The following ERP44 variants were observed in gnomAD, a reference collection of about 807,000 sequenced individuals.
ERP44 encodes endoplasmic reticulum resident protein 44.
ERP44 carries 25 observed loss-of-function variants against 53.4 expected under a neutral mutation model. The ratio of observed to expected loss-of-function variants is 0.47; its 90% confidence interval spans 0.34 to 0.65. The LOEUF is 0.65. Among genes scored for constraint, ERP44 ranks in the 30% least tolerant of loss-of-function variants. The probability of loss-of-function intolerance (pLI) is 0.01; values close to 1 mark genes in which losing one functional copy is unlikely to be tolerated. For missense variants in ERP44, 338 were observed against 493.2 expected, an observed-to-expected ratio of 0.69 and a Z score of 2.98; for synonymous variants, 145 against 161.2, an observed-to-expected ratio of 0.90 and a Z score of 0.76.
rs1043129866 is a variant in ERP44 at position 99,983,588 on chromosome 9, C to A, written c.1120-875G>T. On this transcript the variant is annotated intron_variant, in intron 11 of 11. Transcript: ENST00000262455. ...AAAAAAAAAAAAAGAAAAGGCAGTG[C>A]AGTCTATCCTCTATTTCCAAATTGT... 1.5e-4 allele frequency among the ~76,000 whole-genome samples: 22 copies of A among 150,110 alleles called. No homozygotes were observed. The Middle Eastern group carries it at 0.01, about 72-fold the overall frequency.
At chr9:100,091,972 T>C (rs1826562751) in intron 1 of ERP44, among the ~76,000 whole-genome samples, 1 of 152,186 alleles carries the variant, frequency 6.6e-6, no homozygotes. Context: ...TATTTATATA[T>C]ATATCTTCTC....
At chr9:100,009,546 T>C (rs1587961188) in intron 8 of ERP44, among the ~76,000 whole-genome samples, 1 of 152,286 alleles carries the variant, frequency 6.6e-6, no homozygotes, top group East Asian at 1.9e-4. Flanking sequence ...CTTTTATCTC[T>C]TGGACTCACA....
chr9:100,017,676 G>T (rs10819719), intron 7 of ERP44, among the ~76,000 whole-genome samples: 102,661 of 151,936 alleles, frequency 0.68, 35,834 homozygotes, highest in East Asian at 0.91. Context: ...AATTTTTTTT[G>T]GTATGTAAAA....
chr9:100,098,909 G>C lies in ERP44; in HGVS notation c.-69C>G. The C allele has an allele frequency of 1.1e-5, 15 of 1,335,626 alleles. No individual in the cohort carries two copies. Among genetic ancestry groups the C allele is most frequent in the East Asian group, 2.4e-5 (1 of 42,546 alleles). 82.7% of individuals were successfully genotyped at this position (1,335,626 alleles called of 1,614,324 possible). ...GACTGGGCTAGGTTGGGTTGGGTTA[G>C]GAAAGGGCTGGGCTCCGGGAGCCGA... On this transcript the variant is annotated 5_prime_UTR_variant, in exon 1 of 12. Coordinates refer to ENST00000262455, the MANE Select transcript of ERP44 (RefSeq NM_015051.3).
chr9:100,020,737 A>C lies in ERP44; in HGVS notation c.472-6T>G. The C allele has an allele frequency of 6.9e-7, 1 of 1,443,356 alleles. No homozygotes were observed. The highest frequency in any genetic ancestry group is 9.7e-7 in the Non-Finnish European group (1 of 1,027,990). 89.4% of individuals were successfully genotyped at this position (1,443,356 alleles called of 1,614,324 possible). On this transcript the variant is annotated splice_region_variant and splice_polypyrimidine_tract_variant and intron_variant, in intron 5 of 11. Coordinates refer to ENST00000262455, the MANE Select transcript of ERP44 (RefSeq NM_015051.3). Reference sequence around the variant, plus strand: ...ATGATATTTCTTTTGCTGCGCTGTAAAATAAAGTATGCAATTATTTTGCAA... The same window carrying C: ...ATGATATTTCTTTTGCTGCGCTGTACAATAAAGTATGCAATTATTTTGCAA...
At chr9:100,065,802 G>A (rs999022106) in intron 1 of ERP44, among the ~76,000 whole-genome samples, 1 of 152,082 alleles carries the variant, frequency 6.6e-6, no homozygotes, top group Non-Finnish European at 1.5e-5. Context: ...TAAAACATCA[G>A]GTAAAAGAGG....
chr9:100,035,350 T>A (rs1825839401), intron 4 of ERP44, among the ~76,000 whole-genome samples: 1 of 152,146 alleles, frequency 6.6e-6, no homozygotes, highest in Admixed American at 6.6e-5. Context: ...ATATCTAGAA[T>A]CTATAAGGAA....
In ERP44 at chr9:100,098,778, A is replaced by G; in HGVS notation, c.57+6T>C. 1 of 1,612,940 alleles carries G rather than the reference A, an allele frequency of 6.2e-7. No individual in the cohort carries two copies. Among genetic ancestry groups the G allele is most frequent in the South Asian group, 1.1e-5 (1 of 91,020 alleles). ...TTGTCGATGGGTCTGTCATTCCCTC[A>G]CTCACCAGGAGCAGAAGGGAGCATC... On this transcript the variant is annotated splice_donor_region_variant and intron_variant, in intron 1 of 11. Coordinates refer to ENST00000262455, the MANE Select transcript of ERP44 (RefSeq NM_015051.3).
In ERP44 at chr9:100,004,598, C is replaced by T. The variant is rs567342510; in HGVS notation, c.1016+1908G>A. Among the ~76,000 whole-genome samples the T allele has an allele frequency of 2.0e-5, 3 of 152,324 alleles. No individual in the cohort carries two copies. In the East Asian group the frequency reaches 5.8e-4, roughly 29 times the overall value. ...GGTCTGAGGAAAAGTTCAGTGCTAACTTCCTTCTCCTTTCCCCACATGAAG... is the reference window on the plus strand; with the variant it reads ...GGTCTGAGGAAAAGTTCAGTGCTAATTTCCTTCTCCTTTCCCCACATGAAG... On this transcript the variant is annotated intron_variant, in intron 10 of 11. Transcript: ENST00000262455.
intron 10 of ERP44, chr9:99,998,997 G>A: frequency 8.1e-7 from 1 of 1,238,852 alleles, no homozygotes; most frequent in Non-Finnish European, 1.2e-6. Flanking sequence ...CAAAGAACTG[G>A]AAGTAGTCGT....
intron 10 of ERP44, among the ~76,000 whole-genome samples, chr9:100,004,938 A>G (rs762836481): frequency 1.3e-5 from 2 of 152,152 alleles, no homozygotes; most frequent in Non-Finnish European, 2.9e-5. Flanking sequence ...GACCCCCTCT[A>G]ATCTATTTTC....
chr9:100,031,241 A>G (rs1321614690), intron 4 of ERP44, among the ~76,000 whole-genome samples: 6 of 151,942 alleles, frequency 3.9e-5, no homozygotes, highest in Non-Finnish European at 8.8e-5. Context: ...TGTCTTTGGG[A>G]GCTTGACCTT....
In ERP44 at chr9:99,990,423, A is replaced by G. The variant is rs1006521249; in HGVS notation, c.1017-5354T>C. 3.3e-5 allele frequency among the ~76,000 whole-genome samples: 5 copies of G among 152,332 alleles called. No homozygotes were observed. In the East Asian group the frequency reaches 9.6e-4, roughly 29 times the overall value. ...CATATCCAGCCAAACTAAGCTTCAT[A>G]AGTGAAGGAGAAATAAAATCCTTTA... On this transcript the variant is annotated intron_variant, in intron 10 of 11. Transcript: ENST00000262455.
At chr9:100,084,162 A>T (rs1826456620) in intron 1 of ERP44, among the ~76,000 whole-genome samples, 2 of 152,246 alleles carry the variant, frequency 1.3e-5, no homozygotes, top group South Asian at 2.1e-4. Context: ...AACCTAGGGA[A>T]TACATCACAG....
At chr9:99,983,377 C>G (rs62577192) in intron 11 of ERP44, among the ~76,000 whole-genome samples, 3,629 of 151,644 alleles carry the variant, frequency 0.024, 65 homozygotes, top group Middle Eastern at 0.072. Flanking sequence ...AACCCCGTCT[C>G]TACTAAAAAT....
intron 4 of ERP44, among the ~76,000 whole-genome samples, chr9:100,036,481 T>C (rs1232515455): frequency 1.3e-5 from 2 of 152,128 alleles, no homozygotes; most frequent in African/African-American, 4.8e-5. Context: ...CAATAGACAC[T>C]GTGGACTACT....
intron 4 of ERP44, among the ~76,000 whole-genome samples, chr9:100,052,060 A>C (rs1184538704): frequency 1.3e-5 from 2 of 152,052 alleles, no homozygotes; most frequent in Non-Finnish European, 1.5e-5. Context: ...ACAGAAATCC[A>C]TTTTTTCTTC....
At chr9:100,041,325 G>A (rs535697102) in intron 4 of ERP44, among the ~76,000 whole-genome samples, 10 of 151,806 alleles carry the variant, frequency 6.6e-5, no homozygotes, top group African/African-American at 9.7e-5. Context: ...GGCAAAAATC[G>A]CAATTACTTT....
At chr9:99,998,338 G>A (rs189235348) in intron 10 of ERP44, 11 of 536,526 alleles carry the variant, frequency 2.1e-5, no homozygotes, top group Admixed American at 9.4e-5. Context: ...ATCTGTCCCC[G>A]AACCTTTTGC....
Sources: gnomAD v4.1 joint callset for allele counts (sites outside exome capture counted in the v4.1 genomes callset) on GRCh38, gnomAD v4.1.1 for gene constraint, MANE v1.5 for transcripts, NCBI Gene and HGNC (gene_info 2026-07-23, HGNC 2026-07-21) for gene names.